The following MACF1 variants were observed in gnomAD, a reference collection of about 807,000 sequenced individuals.
The protein encoded by MACF1 is microtubule actin crosslinking factor 1, also known as microtubule-actin cross-linking factor 1.
A neutral mutation model predicts 854.8 loss-of-function variants in MACF1; 193 were observed. The ratio of observed to expected loss-of-function variants is 0.23; its 90% CI spans 0.20 to 0.25. The LOEUF is 0.25. Among genes scored for constraint, MACF1 ranks in the 10% least tolerant of loss-of-function variants. The pLI is 1.00. For synonymous variants in MACF1, 3,185 were observed against 3,226.7 expected, an observed-to-expected ratio of 0.99 and a Z score of 0.44; for missense variants, 7,722 against 8,929.1, an observed-to-expected ratio of 0.86 and a Z score of 5.45.
At chr1:39,449,778 A>G (rs889603293) in intron 84 of MACF1, among the ~76,000 whole-genome samples, 12 of 148,540 alleles carry the variant, frequency 8.1e-5, no homozygotes, top group African/African-American at 3.0e-4. Flanking sequence ...GCAGCCTCCA[A>G]CTCCTGGGCT....
intron 2 of MACF1, among the ~76,000 whole-genome samples, chr1:39,109,999 C>T (rs1642354098): frequency 6.6e-6 from 1 of 151,772 alleles, no homozygotes; most frequent in South Asian, 2.1e-4. Flanking sequence ...ATATATAAAT[C>T]ACATTGAAAT....
intron 2 of MACF1, among the ~76,000 whole-genome samples, chr1:39,122,124 C>T (rs1642730279): frequency 6.6e-6 from 1 of 152,174 alleles, no homozygotes; most frequent in Admixed American, 6.5e-5. Context: ...GTTGCACATA[C>T]TCCCACTCAG....
intron 23 of MACF1, 143 bp downstream of exon 23, chr1:39,303,221 A>G (rs2148420098): frequency 7.1e-6 from 6 of 850,242 alleles, no homozygotes; most frequent in East Asian, 2.7e-5. Flanking sequence ...GGAGATATCA[A>G]GTCTCCTACT....
chr1:39,267,450 T>C (rs945302843), intron 6 of MACF1, among the ~76,000 whole-genome samples: 1 of 152,200 alleles, frequency 6.6e-6, no homozygotes, highest in African/African-American at 2.4e-5. Context: ...AGGCTGGTCT[T>C]AAACTCCTGA....
intron 2 of MACF1, among the ~76,000 whole-genome samples, chr1:39,183,703 A>T (rs1378611956): frequency 1.3e-5 from 2 of 152,172 alleles, no homozygotes; most frequent in African/African-American, 4.8e-5. Flanking sequence ...TGTGTGTCAC[A>T]CTGGAGTAGG....
At chr1:39,419,173 CTT>C (rs1401401976) in intron 58 of MACF1, among the ~76,000 whole-genome samples, 2 of 152,140 alleles carry the variant, frequency 1.3e-5, no homozygotes, top group Admixed American at 6.5e-5. Context: ...GTTCTGTTCA[CTT>C]TTATTCAAAA....
intron 6 of MACF1, among the ~76,000 whole-genome samples, chr1:39,267,593 T>A (rs1382683770): frequency 6.6e-6 from 1 of 152,238 alleles, no homozygotes; most frequent in Non-Finnish European, 1.5e-5. Flanking sequence ...ATATAGTGAC[T>A]GTAAGAATTA....
chr1:39,296,629 C>G (rs892191550), intron 20 of MACF1, among the ~76,000 whole-genome samples: 1 of 151,612 alleles, frequency 6.6e-6, no homozygotes, highest in Non-Finnish European at 1.5e-5. Context: ...ACTTGGGAAG[C>G]TGAGGCAGGA....
chr1:39,127,191 C>T (rs1320901919), intron 2 of MACF1, among the ~76,000 whole-genome samples: 1 of 152,178 alleles, frequency 6.6e-6, no homozygotes, highest in Non-Finnish European at 1.5e-5. Context: ...CACTGCACGC[C>T]AGCCTGACAA....
At chr1:39,213,899 G>T (rs1644545956) in intron 1 of MACF1, among the ~76,000 whole-genome samples, 1 of 152,170 alleles carries the variant, frequency 6.6e-6, no homozygotes, top group Non-Finnish European at 1.5e-5. Flanking sequence ...TTATTAGTAA[G>T]CAGTAACAGG....
intron 70 of MACF1, 98 bp from the exon 71 acceptor site, chr1:39,437,679 A>C (rs1469413321): frequency 3.0e-6 from 3 of 995,336 alleles, no homozygotes; most frequent in Admixed American, 1.7e-5. Context: ...AGGTTATCCT[A>C]AACAGTAGTA....
intron 2 of MACF1, among the ~76,000 whole-genome samples, chr1:39,104,274 C>T (rs1381985853): frequency 6.6e-6 from 1 of 152,158 alleles, no homozygotes; most frequent in Non-Finnish European, 1.5e-5. Flanking sequence ...ATGGCTCCAG[C>T]GCACTCCATG....
chr1:39,477,064 T>TACACACAC (rs1557674885), intron 97 of MACF1, among the ~76,000 whole-genome samples: 2 of 18,442 alleles, frequency 1.1e-4, no homozygotes, highest in African/African-American at 3.3e-4. Flanking sequence ...TATATATATA[T>TACACACAC]ATATATATAT....
Position 39,378,457 on chromosome 1 carries a change from T to C in MACF1, c.13214-4T>C, listed in dbSNP as rs1294374065. 2 of 1,613,362 alleles carry C rather than the reference T, an allele frequency of 1.2e-6. No homozygotes were observed. Among genetic ancestry groups the C allele is most frequent in the East Asian group, 4.5e-5 (2 of 44,896 alleles). ...CCTGTTTGTCTCCCTGTCCTTCTGC[T>C]CAGGTTCCATACTGCCCTCTGTAGG... On this transcript the variant is annotated splice_polypyrimidine_tract_variant and splice_region_variant and intron_variant, in intron 52 of 100. Coordinates refer to ENST00000564288, the MANE Select transcript of MACF1 (RefSeq NM_001394062.1).
At position 39,335,596 on chromosome 1, in the gene MACF1, C is replaced by T; in HGVS notation, c.9008C>T (p.Thr3003Ile). The T allele has an allele frequency of 6.2e-7, 1 of 1,614,156 alleles. No individual in the cohort carries two copies. Residue 3003 changes from threonine (T) to isoleucine (I), a missense_variant, in exon 37 of 101, where the codon ACT becomes ATT. Coordinates refer to ENST00000564288, the MANE Select transcript of MACF1 (RefSeq NM_001394062.1). ...FLSEEKLYQE[T>I]AIRDEHDSHI... ...TCTGAAGAAAAGTTGTATCAGGAAA[C>T]TGCCATTAGAGATGAGCATGACTCC...
intron 58 of MACF1, chr1:39,410,492 TAGG>T (rs1397113910): frequency 6.2e-7 from 1 of 1,614,020 alleles, no homozygotes. Flanking sequence ...AATGGTACAT[TAGG>T]AGCAGCATCT....
intron 6 of MACF1, 52 bp from the exon 7 acceptor site, chr1:39,282,156 A>G: frequency 3.8e-6 from 6 of 1,584,036 alleles, no homozygotes; most frequent in Non-Finnish European, 5.2e-6. Context: ...GAGAAGGCTA[A>G]AAGACTTTGT....
chr1:39,485,543 A>G lies in MACF1; in HGVS notation c.22417A>G (p.Lys7473Glu). Residue 7473 changes from lysine (K) to glutamate (E), a missense_variant, in exon 101 of 101, where the codon AAA becomes GAA. Lys to Glu is a moderately conservative substitution (Grantham distance 56). Around this residue, in one of 15 missense-constraint regions of MACF1, gnomAD observed 185 missense variants for 225.7 expected, o/e 0.82. Transcript: ENST00000564288. ...GTTTTATTCTTGAATTCCAGACCCT[A>G]AAAAGTCTGCCAGTCGCCCTGGGAG... ...TGAKTNRADP[K>E]KSASRPGSRA... is the part of the protein sequence containing the mutation. 2.5e-6 allele frequency: 4 copies of G among 1,611,922 alleles called. No individual in the cohort carries two copies. The highest frequency in any genetic ancestry group is 3.4e-6 in the Non-Finnish European group (4 of 1,179,114).
chr1:39,411,957 T>C (rs1643027887), intron 58 of MACF1: 1 of 1,613,826 alleles, frequency 6.2e-7, no homozygotes, highest in Non-Finnish European at 8.5e-7. Flanking sequence ...TGAGAGACAC[T>C]TCCACTGTTA....
Sources: allele counts gnomAD v4.1 joint callset (sites outside exome capture counted in the v4.1 genomes callset), GRCh38; gene constraint gnomAD v4.1.1; regional missense constraint gnomAD v4.1.1; transcripts MANE v1.5; gene names NCBI Gene and HGNC (gene_info 2026-07-23, HGNC 2026-07-21).